The following ZNF148 variants were observed in gnomAD, a reference collection of about 807,000 sequenced individuals.
ZNF148 encodes Beta-Enolase Repressor Factor-1.
ZNF148 carries 7 observed loss-of-function variants against 67.7 expected under a neutral mutation model. The observed-to-expected ratio is 0.10, with a 90% CI of 0.06 to 0.19. The LOEUF is 0.19. Ranked by LOEUF, ZNF148 falls within the 10% of genes least tolerant of loss-of-function variation. The probability of loss-of-function intolerance (pLI) is 1.00; values close to 1 mark genes in which losing one functional copy is unlikely to be tolerated. For synonymous variants in ZNF148, 333 were observed against 330.7 expected (o/e 1.01, Z -0.08); for missense variants, 583 against 947.1 (o/e 0.62, Z 5.05).
chr3:125,357,104 T>C (rs1002457506), intron 1 of ZNF148: 10 of 152,190 alleles, frequency 6.6e-5, no homozygotes, highest in South Asian at 2.1e-4. Flanking sequence ...CGGACACTTG[T>C]TAGTGGCTGC....
chr3:125,363,433 A>G (rs1035876207), intron 1 of ZNF148, among the ~76,000 whole-genome samples: 3 of 152,166 alleles, frequency 2.0e-5, no homozygotes, highest in East Asian at 1.9e-4. Context: ...ACCCCAAAAC[A>G]GTTCTGCTAA....
intron 7 of ZNF148, among the ~76,000 whole-genome samples, chr3:125,274,965 C>A (rs1937969549): frequency 6.6e-6 from 1 of 152,156 alleles, no homozygotes; most frequent in South Asian, 2.1e-4. Flanking sequence ...GGGCACTACC[C>A]TCCTCCAAAA....
chr3:125,308,632 G>C (rs752384651), intron 4 of ZNF148, among the ~76,000 whole-genome samples: 9 of 151,222 alleles, frequency 6.0e-5, no homozygotes, highest in Non-Finnish European at 1.2e-4. Flanking sequence ...AACAAAATTG[G>C]AGGACATACA....
intron 1 of ZNF148, among the ~76,000 whole-genome samples, chr3:125,372,217 T>G (rs1324901372): frequency 1.3e-5 from 2 of 152,220 alleles, no homozygotes; most frequent in African/African-American, 4.8e-5. Flanking sequence ...CCATCCAAAC[T>G]TCTCTTTATC....
intron 7 of ZNF148, among the ~76,000 whole-genome samples, chr3:125,243,652 A>G (rs1422105445): frequency 1.3e-5 from 2 of 151,988 alleles, no homozygotes; most frequent in Admixed American, 1.3e-4. Flanking sequence ...CCTCCCAAGT[A>G]GCCAGGACCA....
chr3:125,315,922 C>T (rs547357641), intron 3 of ZNF148, among the ~76,000 whole-genome samples: 1 of 152,224 alleles, frequency 6.6e-6, no homozygotes, highest in East Asian at 1.9e-4. Flanking sequence ...TGACTATAGT[C>T]ATCCTATTGT....
chr3:125,323,010 TA>T (rs1318396436), intron 3 of ZNF148, among the ~76,000 whole-genome samples: 3 of 152,184 alleles, frequency 2.0e-5, no homozygotes, highest in African/African-American at 7.2e-5. Context: ...GTGTTCAGGA[TA>T]GGGGGTAAAA....
At chr3:125,369,078 A>G (rs1356751872) in intron 1 of ZNF148, among the ~76,000 whole-genome samples, 1 of 151,844 alleles carries the variant, frequency 6.6e-6, no homozygotes, top group African/African-American at 2.4e-5. Flanking sequence ...CCTGGCCAAC[A>G]TGGTGAAACC....
At chr3:125,337,220 T>C (rs1305491395) in intron 1 of ZNF148, among the ~76,000 whole-genome samples, 1 of 152,126 alleles carries the variant, frequency 6.6e-6, no homozygotes, top group Non-Finnish European at 1.5e-5. Flanking sequence ...TACACATTTG[T>C]CAAACAAGAA....
intron 2 of ZNF148, among the ~76,000 whole-genome samples, chr3:125,325,352 G>A (rs1176883814): frequency 6.6e-6 from 1 of 151,874 alleles, no homozygotes; most frequent in Non-Finnish European, 1.5e-5. Flanking sequence ...AATGAACAGA[G>A]CCTCAAAGAC....
rs1337727458 is a variant in ZNF148, at chr3:125,372,246, A to T, written c.-234+2856T>A. Among the ~76,000 whole-genome samples the T allele has an allele frequency of 2.0e-5, 3 of 152,162 alleles. No homozygotes were observed. The East Asian group carries it at 5.8e-4, about 29-fold the overall frequency. On this transcript the variant is annotated intron_variant, in intron 1 of 8. Coordinates refer to ENST00000360647, the MANE Select transcript of ZNF148 (RefSeq NM_021964.3). ...CTTTATCATCTCATCCAGCATTTTT[A>T]GTCTAATTGTCAATGTTCTTTCTAC...
At chr3:125,369,384 CAAAAAA>C (rs759752715) in intron 1 of ZNF148, among the ~76,000 whole-genome samples, 4 of 47,500 alleles carry the variant, frequency 8.4e-5, no homozygotes, top group East Asian at 6.7e-4. Context: ...ACTGCAACCT[CAAAAAA>C]AAAAAAAAAA....
intron 7 of ZNF148, among the ~76,000 whole-genome samples, chr3:125,272,177 T>C (rs184809438): frequency 2.4e-4 from 37 of 152,350 alleles, no homozygotes; most frequent in Non-Finnish European, 5.0e-4. Context: ...CCAATCTGAA[T>C]TGTCTGGTCT....
intron 3 of ZNF148, among the ~76,000 whole-genome samples, chr3:125,319,781 T>C (rs138060410): frequency 1.1e-3 from 169 of 152,312 alleles, no homozygotes; most frequent in African/African-American, 3.9e-3. Flanking sequence ...CAAGGATACA[T>C]AGCTCAGAAG....
intron 2 of ZNF148, among the ~76,000 whole-genome samples, chr3:125,327,376 A>G (rs1039485823): frequency 6.6e-6 from 1 of 152,200 alleles, no homozygotes; most frequent in Non-Finnish European, 1.5e-5. Flanking sequence ...CCTGAACCAC[A>G]CTATCAACCA....
At chr3:125,261,931 G>C (rs1408523986) in intron 7 of ZNF148, among the ~76,000 whole-genome samples, 1 of 149,386 alleles carries the variant, frequency 6.7e-6, no homozygotes, top group Non-Finnish European at 1.5e-5. Context: ...TCATATAAGA[G>C]AGAAAACAAT....
intron 7 of ZNF148, among the ~76,000 whole-genome samples, chr3:125,261,293 T>C (rs1937329159): frequency 6.6e-6 from 1 of 152,144 alleles, no homozygotes; most frequent in African/African-American, 2.4e-5. Context: ...AGCAGGAGAA[T>C]GAAAGGACTA....
At chr3:125,287,892 G>T (rs978626427) in intron 5 of ZNF148, among the ~76,000 whole-genome samples, 2 of 152,148 alleles carry the variant, frequency 1.3e-5, no homozygotes, top group African/African-American at 4.8e-5. Flanking sequence ...AAAAAGAAAA[G>T]TTCACTTTTA....
chr3:125,310,593 A>G (rs373514203), intron 4 of ZNF148, among the ~76,000 whole-genome samples: 9 of 152,282 alleles, frequency 5.9e-5, no homozygotes, highest in African/African-American at 1.4e-4. Context: ...ACAAGCAGAA[A>G]AAAATTATAA....
Sources: gnomAD v4.1 joint callset for allele counts (sites outside exome capture counted in the v4.1 genomes callset) on GRCh38, gnomAD v4.1.1 for gene constraint, MANE v1.5 for transcripts, NCBI Gene and HGNC (gene_info 2026-07-23, HGNC 2026-07-21) for gene names.